The following LARS2 variants were observed in gnomAD, a reference collection of about 807,000 sequenced individuals.
LARS2 encodes leucyl-tRNA synthetase 2, mitochondrial, also known as leucine--tRNA ligase, mitochondrial.
Under a neutral mutation model 116.6 loss-of-function variants are expected in LARS2, and 81 were observed. The observed-to-expected ratio is 0.69, with a 90% CI of 0.58 to 0.84. LARS2 has a LOEUF of 0.84. LARS2 is among the 40% of genes least tolerant of loss of function. The pLI, the probability that LARS2 is intolerant of heterozygous loss-of-function variation, is 0.00. For synonymous variants in LARS2, 396 were observed against 407.2 expected (o/e 0.97, Z 0.33); for missense variants, 968 against 1,114.5 (o/e 0.87, Z 1.87).
intron 6 of LARS2, among the ~76,000 whole-genome samples, chr3:45,438,343 G>A (rs562940801): frequency 1.9e-4 from 29 of 152,156 alleles, no homozygotes; most frequent in African/African-American, 6.0e-4. Context: ...ACTGCTTGAT[G>A]CCCCTCTAAA....
intron 15 of LARS2, chr3:45,506,782 A>G (rs1281407878): frequency 6.6e-6 from 1 of 151,958 alleles, no homozygotes; most frequent in Admixed American, 6.6e-5. Flanking sequence ...TCTGATTCTA[A>G]TTTCTTCAAA....
intron 20 of LARS2, among the ~76,000 whole-genome samples, chr3:45,541,155 T>C (rs75304599): frequency 0.013 from 2,036 of 152,264 alleles, 30 homozygotes; most frequent in African/African-American, 0.047. Context: ...CAGCTGGCCC[T>C]CTGCTACCCT....
intron 6 of LARS2, among the ~76,000 whole-genome samples, chr3:45,444,521 G>A (rs563918076): frequency 1.1e-3 from 154 of 145,864 alleles, no homozygotes; most frequent in Non-Finnish European, 1.9e-3. Flanking sequence ...AAAATTAGCC[G>A]GGCGTAGTGG....
rs1559495163 is a variant in LARS2, at chr3:45,518,032, C to G, written c.2174C>G (p.Ala725Gly). The G allele has an allele frequency of 6.2e-7, 1 of 1,613,592 alleles. No individual in the cohort carries two copies. Among genetic ancestry groups the G allele is most frequent in the Non-Finnish European group, 8.5e-7 (1 of 1,179,614 alleles). The change falls in exon 18 of 22, where the codon GCC becomes GGC. Residue 725 changes from alanine (A) to glycine (G), a missense_variant. Physicochemically the swap from Ala to Gly is moderately conservative, Grantham distance 60. Transcript: ENST00000645846. Reference protein sequence around the residue: ...QLLSNKEKAEARKLWEYKNSV... With the variant: ...QLLSNKEKAEGRKLWEYKNSV... Reference sequence around the variant, plus strand: ...CTGAGTAACAAGGAGAAAGCTGAGGCCAGGAAGCTCTGGGAGTACAAGAAC... The same window carrying G: ...CTGAGTAACAAGGAGAAAGCTGAGGGCAGGAAGCTCTGGGAGTACAAGAAC...
chr3:45,544,255 A>G (rs1700842240), intron 21 of LARS2, among the ~76,000 whole-genome samples: 1 of 152,246 alleles, frequency 6.6e-6, no homozygotes, highest in Admixed American at 6.5e-5. Context: ...ACCTTGGAAC[A>G]AAGGTCTGGG....
chr3:45,518,686 T>C (rs1700408169), intron 18 of LARS2, among the ~76,000 whole-genome samples: 2 of 152,114 alleles, frequency 1.3e-5, no homozygotes, highest in Non-Finnish European at 2.9e-5. Context: ...AAATCTGAAG[T>C]CATTGTAATG....
intron 4 of LARS2, among the ~76,000 whole-genome samples, chr3:45,406,331 C>T (rs184297246): frequency 1.7e-4 from 26 of 152,228 alleles, no homozygotes; most frequent in Admixed American, 1.3e-3. Flanking sequence ...TATAGTCCTG[C>T]GTGAGGCTCA....
At chr3:45,493,890 T>C (rs1435344855) in intron 13 of LARS2, among the ~76,000 whole-genome samples, 3 of 152,180 alleles carry the variant, frequency 2.0e-5, no homozygotes, top group Non-Finnish European at 2.9e-5. Context: ...CTTTTATAAA[T>C]TGAGCCCGCA....
At chr3:45,429,416 T>C (rs1219495640) in intron 6 of LARS2, among the ~76,000 whole-genome samples, 1 of 152,178 alleles carries the variant, frequency 6.6e-6, no homozygotes, top group Non-Finnish European at 1.5e-5. Context: ...TGGTCTTTGC[T>C]TCTAGAGGCT....
intron 7 of LARS2, among the ~76,000 whole-genome samples, chr3:45,455,130 T>C (rs1427703325): frequency 1.3e-5 from 2 of 152,168 alleles, no homozygotes; most frequent in East Asian, 1.9e-4. Context: ...TTTGCTTTTT[T>C]TTTTTTTTTG....
chr3:45,484,630 A>ATATATATATATAT (rs1313520791), intron 10 of LARS2, among the ~76,000 whole-genome samples: 1 of 9,748 alleles, frequency 1.0e-4, no homozygotes, highest in Non-Finnish European at 3.1e-4. Flanking sequence ...AAAAAAAAAA[A>ATATATATATATAT]ATATATATAT....
At chr3:45,522,480 C>G (rs934794817) in intron 19 of LARS2, among the ~76,000 whole-genome samples, 3 of 152,230 alleles carry the variant, frequency 2.0e-5, no homozygotes, top group African/African-American at 7.2e-5. Context: ...CCTGTAATCC[C>G]AGCACTGCGG....
At position 45,468,240 on chromosome 3, in the gene LARS2, A is replaced by G. The variant is rs375490898; in HGVS notation, c.751-6003A>G. On this transcript the variant is annotated intron_variant, in intron 8 of 21. Coordinates refer to ENST00000645846, the MANE Select transcript of LARS2 (RefSeq NM_015340.4). ...GGTCTTATGTTCTTGCAAATATTCA[A>G]TCTATAGGGAGGCTTCCAACTTGAA... Among the ~76,000 whole-genome samples, 34 of 152,286 alleles carry G rather than the reference A, an allele frequency of 2.2e-4. No individual in the cohort carries two copies. The South Asian group carries it at 3.1e-3, about 14-fold the overall frequency.
In LARS2 at chr3:45,516,173, G is replaced by A. The variant is rs1700366953; in HGVS notation, c.1941G>A (p.Gly647=). The A allele has an allele frequency of 6.2e-7, 1 of 1,614,138 alleles. No individual in the cohort carries two copies. Among genetic ancestry groups the A allele is most frequent in the Non-Finnish European group, 8.5e-7 (1 of 1,180,002 alleles). ...WEKMSKSKHN[G]VDPEEVVEQY... is the part of the protein sequence containing the mutation. Reference sequence around the variant, plus strand: ...AGATGAGTAAGTCCAAACACAACGGGGTGGACCCAGAGGAAGTTGTGGAGC... The same window carrying A: ...AGATGAGTAAGTCCAAACACAACGGAGTGGACCCAGAGGAAGTTGTGGAGC... Residue 647 remains glycine (G), a synonymous_variant, in exon 17 of 22, where the codon GGG becomes GGA. Transcript: ENST00000645846.
At chr3:45,475,033 G>A (rs1272704608) in intron 9 of LARS2, among the ~76,000 whole-genome samples, 1 of 152,190 alleles carries the variant, frequency 6.6e-6, no homozygotes, top group Non-Finnish European at 1.5e-5. Context: ...ACTGACTAGA[G>A]AGTTGTTCTA....
intron 6 of LARS2, among the ~76,000 whole-genome samples, chr3:45,428,387 A>T (rs1434371042): frequency 6.6e-6 from 1 of 151,476 alleles, no homozygotes; most frequent in Non-Finnish European, 1.5e-5. Context: ...GGGACTACAG[A>T]TGCCTGCCAC....
At chr3:45,511,029 T>C (rs768354428) in intron 15 of LARS2, among the ~76,000 whole-genome samples, 2 of 152,206 alleles carry the variant, frequency 1.3e-5, no homozygotes, top group Non-Finnish European at 2.9e-5. Flanking sequence ...AGAGACTCGT[T>C]CTGAGCACCA....
rs61468802 is a variant in LARS2 at position 45,436,799 on chromosome 3, CA to C, written c.517-10075del. On this transcript the variant is annotated intron_variant, in intron 6 of 21. Transcript: ENST00000645846. ...CTGGGCGACAGAGCGAGACTCGTCT[CA>C]AAAAAAAAAAAAAAAAGAAAAGCCG... 9.5e-3 allele frequency among the ~76,000 whole-genome samples: 1,152 copies of C among 121,456 alleles called. 8 individuals are homozygous for C. Among genetic ancestry groups the C allele is most frequent in the African/African-American group, 0.032 (955 of 29,686 alleles). The allele number at this position is 121,456 out of a possible 152,430, so 79.7% of individuals were successfully genotyped here.
intron 6 of LARS2, among the ~76,000 whole-genome samples, chr3:45,439,316 G>A (rs978915277): frequency 2.1e-5 from 3 of 142,992 alleles, no homozygotes; most frequent in Admixed American, 1.5e-4. Flanking sequence ...CCGCCTCCTG[G>A]ATTCAAGCAA....
Sources: gnomAD v4.1 joint callset for allele counts (sites outside exome capture counted in the v4.1 genomes callset) on GRCh38, gnomAD v4.1.1 for gene constraint, MANE v1.5 for transcripts, NCBI Gene and HGNC (gene_info 2026-07-23, HGNC 2026-07-21) for gene names.